MME: variants seen among roughly 807,000 people sequenced by gnomAD.
MME encodes neprilysin.
In MME, 98 loss-of-function variants were observed where a neutral mutation model predicts 113.2. The observed-to-expected ratio is 0.87, with a 90% CI of 0.74 to 1.02. MME has a LOEUF of 1.02. Ranked by LOEUF, MME falls within the 50% of genes least tolerant of loss-of-function variation. The probability of loss-of-function intolerance (pLI) is 0.00; values close to 1 mark genes in which losing one functional copy is unlikely to be tolerated. For missense variants in MME, 836 were observed against 896.0 expected (o/e 0.93, Z 0.86); for synonymous variants, 292 against 300.6 (o/e 0.97, Z 0.30).
chr3:155,115,500 C>T (rs569874247), intron 4 of MME, among the ~76,000 whole-genome samples: 1 of 152,310 alleles, frequency 6.6e-6, no homozygotes, highest in East Asian at 1.9e-4. Context: ...GCTATCTCGG[C>T]TCACTGCAAC....
chr3:155,042,928 A>ATATATATATG (rs1713401453), intron 1 of MME, among the ~76,000 whole-genome samples: 1 of 67,416 alleles, frequency 1.5e-5, no homozygotes, highest in African/African-American at 7.8e-5. Context: ...ATATATATAT[A>ATATATATATG]TATATATATA....
At chr3:155,088,779 G>C (rs1716019215) in intron 3 of MME, among the ~76,000 whole-genome samples, 1 of 152,068 alleles carries the variant, frequency 6.6e-6, no homozygotes, top group South Asian at 2.1e-4. Flanking sequence ...CACTTTAAGA[G>C]AGTGGGTGGG....
chr3:155,056,230 A>C (rs1156756936), intron 1 of MME, among the ~76,000 whole-genome samples: 2 of 151,900 alleles, frequency 1.3e-5, no homozygotes, highest in East Asian at 3.9e-4. Flanking sequence ...CACAATGTGC[A>C]GGTTAGTTAC....
chr3:155,128,304 C>T (rs1269947563), intron 8 of MME, among the ~76,000 whole-genome samples: 1 of 152,160 alleles, frequency 6.6e-6, no homozygotes, highest in African/African-American at 2.4e-5. Context: ...TTTCTACTCT[C>T]TCCTAATCCC....
chr3:155,164,313 T>C (rs1464037752), intron 17 of MME, among the ~76,000 whole-genome samples: 1 of 152,112 alleles, frequency 6.6e-6, no homozygotes, highest in Non-Finnish European at 1.5e-5. Flanking sequence ...GGAGACATGG[T>C]CTTTTGCTTC....
At chr3:155,146,105 T>C (rs1230560599) in intron 14 of MME, among the ~76,000 whole-genome samples, 5 of 152,036 alleles carry the variant, frequency 3.3e-5, no homozygotes, top group Non-Finnish European at 7.4e-5. Context: ...AAAAGTCAAG[T>C]ATCATTGAGA....
At chr3:155,026,030 A>C (rs1229925430) in intron 1 of MME, among the ~76,000 whole-genome samples, 2 of 152,016 alleles carry the variant, frequency 1.3e-5, no homozygotes. Flanking sequence ...AAAGCCAAAC[A>C]CAGAAAGAAA....
chr3:155,116,542 G>C lies in MME; in HGVS notation c.422G>C (p.Arg141Thr). ...GTGCAGAAAGCAAAAGCATTGTACA[G>C]GTCTTGTATAAATGAATGTAAGTGC... ...VAVQKAKALY[R>T]SCINESAIDS... is the part of the protein sequence containing the mutation. The change falls in exon 5 of 23, where the codon AGG becomes ACG. Residue 141 changes from arginine to threonine, a missense_variant. By Grantham distance (71) the Arg-to-Thr change is moderately conservative. Transcript: ENST00000360490. 1.2e-6 allele frequency: 2 copies of C among 1,609,910 alleles called. No homozygotes were observed. Among genetic ancestry groups the C allele is most frequent in the South Asian group, 2.2e-5 (2 of 90,934 alleles).
At chr3:155,162,259 A>C (rs1464587093) in intron 17 of MME, among the ~76,000 whole-genome samples, 1 of 152,148 alleles carries the variant, frequency 6.6e-6, no homozygotes, top group South Asian at 2.1e-4. Flanking sequence ...ACCTTGTTTG[A>C]TTCTGAATTA....
In MME at chr3:155,181,622, T is replaced by C. The variant is rs201944273; in HGVS notation, c.*1163T>C. The C allele has an allele frequency of 6.6e-6, 1 of 152,158 alleles. No individual in the cohort carries two copies. The highest frequency in any genetic ancestry group is 6.6e-5 in the Admixed American group (1 of 15,260). 9.4% of individuals were successfully genotyped at this position (152,158 alleles called of 1,614,324 possible). A position where few individuals can be genotyped will look rare whatever the true frequency, so the allele number is the denominator to read the frequency against. ...TAAGACTGTGACAACTGTCTAACTTTAGAAGTGCATTTCTGAATAGAAATG... is the reference window on the plus strand; with the variant it reads ...TAAGACTGTGACAACTGTCTAACTTCAGAAGTGCATTTCTGAATAGAAATG... On this transcript the variant is annotated 3_prime_UTR_variant, in exon 23 of 23. Coordinates refer to ENST00000360490, the MANE Select transcript of MME (RefSeq NM_007289.4).
At position 155,148,541 on chromosome 3, in the gene MME, A is replaced by G; in HGVS notation, c.1498-9A>G. The G allele has an allele frequency of 9.0e-6, 14 of 1,560,152 alleles. No homozygotes were observed. The highest frequency in any genetic ancestry group is 1.2e-5 in the Non-Finnish European group (14 of 1,131,750). On this transcript the variant is annotated splice_polypyrimidine_tract_variant and intron_variant, in intron 15 of 22. Transcript: ENST00000360490. ...TAATATTTCTTCCCAAATCTTCTTT[A>G]TAATACAGTTGAACTACAAAGAAGA...
chr3:155,046,490 C>T (rs927208505), intron 1 of MME, among the ~76,000 whole-genome samples: 3 of 152,066 alleles, frequency 2.0e-5, no homozygotes, highest in Non-Finnish European at 4.4e-5. Flanking sequence ...GAGTTCAAGA[C>T]CAGCCTGGCC....
At chr3:155,109,603 T>C (rs150224137) in intron 3 of MME, among the ~76,000 whole-genome samples, 2 of 152,346 alleles carry the variant, frequency 1.3e-5, no homozygotes, top group East Asian at 1.9e-4. Flanking sequence ...ATTGGATCTG[T>C]TGGTCCTCAT....
intron 22 of MME, among the ~76,000 whole-genome samples, chr3:155,176,228 T>C (rs1420683359): frequency 6.6e-6 from 1 of 152,170 alleles, no homozygotes; most frequent in Non-Finnish European, 1.5e-5. Flanking sequence ...GGATATAAAG[T>C]CCATTCTTGG....
chr3:155,090,752 C>T (rs1716216129), intron 3 of MME, among the ~76,000 whole-genome samples: 1 of 152,122 alleles, frequency 6.6e-6, no homozygotes, highest in Admixed American at 6.6e-5. Context: ...AAAGTGAAAC[C>T]ACAGATATGG....
chr3:155,147,952 G>T (rs755879183), intron 15 of MME, among the ~76,000 whole-genome samples: 7 of 152,176 alleles, frequency 4.6e-5, no homozygotes, highest in East Asian at 1.9e-4. Context: ...AAATGAGCTG[G>T]TTATAGCTTG....
intron 2 of MME, 109 bp downstream of exon 2, chr3:155,084,436 G>A (rs2108168012): frequency 9.5e-7 from 1 of 1,054,154 alleles, no homozygotes; most frequent in Middle Eastern, 2.0e-4. Flanking sequence ...GGCACTTAAA[G>A]ACTGACAAAG....
intron 17 of MME, among the ~76,000 whole-genome samples, chr3:155,162,509 C>T (rs1470934357): frequency 6.6e-6 from 1 of 151,968 alleles, no homozygotes; most frequent in African/African-American, 2.4e-5. Context: ...AGACCTTTTC[C>T]AAGATCCTTA....
At chr3:155,172,463 CT>C in intron 21 of MME, 72 bp from the exon 22 acceptor site, 1 of 1,234,640 alleles carries the variant, frequency 8.1e-7, no homozygotes, top group Non-Finnish European at 1.2e-6. Flanking sequence ...TCTCCTTCCC[CT>C]CAACTTGCTC....
Sources: gnomAD v4.1 joint callset for allele counts (sites outside exome capture counted in the v4.1 genomes callset) on GRCh38, gnomAD v4.1.1 for gene constraint, MANE v1.5 for transcripts, NCBI Gene and HGNC (gene_info 2026-07-23, HGNC 2026-07-21) for gene names.